PCDH15: variants seen among roughly 807,000 people sequenced by gnomAD.
PCDH15 encodes protocadherin-15.
PCDH15 carries 129 observed loss-of-function variants against 178.5 expected under a neutral mutation model. That is an observed-to-expected ratio of 0.72 (90% CI 0.63 to 0.84). The LOEUF is 0.84. PCDH15 is among the 40% of genes least tolerant of loss of function. PCDH15 has a pLI of 0.00. For synonymous variants in PCDH15, 800 were observed against 732.0 expected (o/e 1.09, Z -1.50); for missense variants, 2,230 against 2,099.9 (o/e 1.06, Z -1.21).
intron 1 of PCDH15, among the ~76,000 whole-genome samples, chr10:54,771,614 C>T (rs1949101120): frequency 6.6e-6 from 1 of 151,870 alleles, no homozygotes; most frequent in South Asian, 2.1e-4. Flanking sequence ...GTAGTAATTC[C>T]TCAAACTCCA....
At chr10:55,013,346 C>T (rs1840092238) in intron 2 of PCDH15, among the ~76,000 whole-genome samples, 1 of 152,082 alleles carries the variant, frequency 6.6e-6, no homozygotes, top group Non-Finnish European at 1.5e-5. Context: ...GCCAATTTTT[C>T]CTAAGATAAA....
intron 3 of PCDH15, among the ~76,000 whole-genome samples, chr10:54,501,108 G>T (rs1354137799): frequency 6.6e-6 from 1 of 151,970 alleles, no homozygotes; most frequent in Non-Finnish European, 1.5e-5. Context: ...GGCAAGGGAA[G>T]GGATAGCATT....
At chr10:54,555,736 C>CAAAA (rs869032040) in intron 2 of PCDH15, among the ~76,000 whole-genome samples, 42 of 73,340 alleles carry the variant, frequency 5.7e-4, no homozygotes, top group African/African-American at 7.8e-4. Context: ...GACTCTGTCT[C>CAAAA]AAAAAAAAAA....
At chr10:54,433,107 T>A (rs9416346) in intron 3 of PCDH15, among the ~76,000 whole-genome samples, 101,355 of 152,006 alleles carry the variant, frequency 0.67, 35,461 homozygotes, top group African/African-American at 0.81. Flanking sequence ...GGGAATCCTC[T>A]TACACTGTGG....
chr10:55,288,524 A>G lies in PCDH15; in HGVS notation c.-156+31075T>C, dbSNP rs115282911. On this transcript the variant is annotated intron_variant, in intron 1 of 5. Transcript: ENST00000458638. ...AGAAACCCTGTATCTTTTAACTAAT[A>G]TCTTCCTACTTCTCCCTCCTCCAGC... Among the ~76,000 whole-genome samples, 451 of 152,006 alleles carry G rather than the reference A, an allele frequency of 3.0e-3. 1 individual carries two copies. The highest frequency in any genetic ancestry group is 0.01 in the African/African-American group (423 of 41,514).
intron 20 of PCDH15, among the ~76,000 whole-genome samples, chr10:54,001,527 A>G (rs2092134929): frequency 6.6e-6 from 1 of 152,094 alleles, no homozygotes; most frequent in African/African-American, 2.4e-5. Context: ...GTATGATAGT[A>G]TTTGCAAGCT....
intron 20 of PCDH15, among the ~76,000 whole-genome samples, chr10:54,011,912 C>G (rs2092598925): frequency 1.3e-5 from 2 of 152,158 alleles, no homozygotes; most frequent in Non-Finnish European, 2.9e-5. Context: ...TGTACTAGTT[C>G]CCTAGCCAGG....
intron 23 of PCDH15, among the ~76,000 whole-genome samples, chr10:53,959,056 G>T (rs1215933604): frequency 1.3e-5 from 2 of 148,866 alleles, no homozygotes; most frequent in African/African-American, 4.9e-5. Flanking sequence ...TTTTGTTATG[G>T]CTGCCTCAGT....
At chr10:53,838,080 A>T (rs1328214074) in intron 29 of PCDH15, among the ~76,000 whole-genome samples, 1 of 151,708 alleles carries the variant, frequency 6.6e-6, no homozygotes, top group Non-Finnish European at 1.5e-5. Flanking sequence ...GGTTCACGCC[A>T]TTCTCCTGCC....
chr10:55,238,891 A>G (rs1841466285), intron 1 of PCDH15, among the ~76,000 whole-genome samples: 1 of 152,104 alleles, frequency 6.6e-6, no homozygotes, highest in African/African-American at 2.4e-5. Context: ...TTTTGTAAGC[A>G]CAATTCCACT....
At chr10:54,215,249 A>G (rs1385745668) in intron 9 of PCDH15, among the ~76,000 whole-genome samples, 1 of 152,188 alleles carries the variant, frequency 6.6e-6, no homozygotes, top group Non-Finnish European at 1.5e-5. Context: ...AGGCTGCCAG[A>G]TGTTAAAACA....
intron 2 of PCDH15, among the ~76,000 whole-genome samples, chr10:55,437,700 T>C (rs1331584863): frequency 5.9e-5 from 9 of 152,084 alleles, no homozygotes; most frequent in Non-Finnish European, 1.5e-5. Flanking sequence ...TTTCTAACTG[T>C]AGCTGATCTA....
chr10:55,237,467 A>G (rs1841413493), intron 1 of PCDH15, among the ~76,000 whole-genome samples: 1 of 152,168 alleles, frequency 6.6e-6, no homozygotes, highest in African/African-American at 2.4e-5. Flanking sequence ...TACAAATGTG[A>G]AAACTGTGTT....
chr10:55,390,223 C>A (rs1425095481), intron 2 of PCDH15, among the ~76,000 whole-genome samples: 1 of 151,952 alleles, frequency 6.6e-6, no homozygotes, highest in South Asian at 2.1e-4. Flanking sequence ...ACAAGGTATA[C>A]ACCTTAATTA....
At chr10:54,219,850 T>C (rs1311429075) in intron 9 of PCDH15, among the ~76,000 whole-genome samples, 3 of 152,006 alleles carry the variant, frequency 2.0e-5, no homozygotes, top group South Asian at 2.1e-4. Context: ...AAAATAGTTA[T>C]TTTATAAGCA....
intron 1 of PCDH15, among the ~76,000 whole-genome samples, chr10:54,752,822 T>A (rs1258186098): frequency 6.6e-6 from 1 of 152,040 alleles, no homozygotes; most frequent in Non-Finnish European, 1.5e-5. Flanking sequence ...ATCAATGGCA[T>A]ACATGGAGCC....
intron 3 of PCDH15, among the ~76,000 whole-genome samples, chr10:54,424,205 G>A (rs1426887310): frequency 1.3e-5 from 2 of 151,866 alleles, no homozygotes; most frequent in East Asian, 3.9e-4. Flanking sequence ...TGAAGGATAT[G>A]AACAGACACT....
chr10:55,380,198 T>C (rs1417382212), intron 2 of PCDH15, among the ~76,000 whole-genome samples: 1 of 151,856 alleles, frequency 6.6e-6, no homozygotes, highest in Non-Finnish European at 1.5e-5. Context: ...ATAAAGAGAG[T>C]AAATGGTGTA....
chr10:55,569,446 T>G (rs1055895254), intron 2 of PCDH15, among the ~76,000 whole-genome samples: 1 of 151,966 alleles, frequency 6.6e-6, no homozygotes, highest in Non-Finnish European at 1.5e-5. Flanking sequence ...GGGCAAAAAG[T>G]GTTCATTTAT....
Sources: allele counts gnomAD v4.1 joint callset (sites outside exome capture counted in the v4.1 genomes callset), GRCh38; gene constraint gnomAD v4.1.1; transcripts MANE v1.5; gene names NCBI Gene and HGNC (gene_info 2026-07-23, HGNC 2026-07-21).